The following CDHR4 variants were observed in gnomAD, a reference collection of about 807,000 sequenced individuals.
The protein encoded by CDHR4 is cadherin related family member 4.
In CDHR4, 89 loss-of-function variants were observed where a neutral mutation model predicts 88.4. The observed-to-expected ratio is 1.01, with a 90% confidence interval of 0.85 to 1.20. The LOEUF (loss-of-function observed/expected upper bound fraction) is 1.20, where lower values mean the gene tolerates loss of function less well. CDHR4 is among the 50% of genes most tolerant of loss of function. CDHR4 has a pLI of 0.00. For missense variants in CDHR4, 914 were observed against 1,007.2 expected (o/e 0.91, Z 1.25); for synonymous variants, 368 against 399.2 (o/e 0.92, Z 0.93).
upstream of CDHR4, among the ~76,000 whole-genome samples, chr3:49,800,495 AGT>A (rs564495644): frequency 8.6e-5 from 13 of 151,890 alleles, no homozygotes; most frequent in Admixed American, 8.5e-4. Flanking sequence ...CTCCAACCTG[AGT>A]GACAGAGCAA....
At chr3:49,792,636 A>G in intron 14 of CDHR4, 26 bp from the exon 15 acceptor site, 1 of 1,550,738 alleles carries the variant, frequency 6.4e-7, no homozygotes, top group Non-Finnish European at 8.7e-7. Flanking sequence ...CAGCCTCACC[A>G]CTGCCTTGCC....
chr3:49,795,955 T>G lies in CDHR4; in HGVS notation c.698A>C (p.Gln233Pro). The G allele has an allele frequency of 6.5e-7, 1 of 1,541,968 alleles. No homozygotes were observed. The highest frequency in any genetic ancestry group is 8.8e-7 in the Non-Finnish European group (1 of 1,142,534). ...AGGGGAGCCTTACAGGAAGGAGACC[T>G]GGCTGGAGGGAACAGGCAAAACCTT... ...IVKVLPVPSS[Q>P]VSFLEQAQNI... Residue 233 changes from glutamine (Q) to proline (P), a missense_variant, in exon 6 of 19, where the codon CAG becomes CCG. Physicochemically the swap from Gln to Pro is moderately conservative, Grantham distance 76. Coordinates refer to ENST00000412678, the MANE Select transcript of CDHR4 (RefSeq NM_001007540.4). This position sits in a 1 kb window ranked among gnomAD's most constrained non-coding sequence, Gnocchi z 5.4.
chr3:49,795,529 C>T lies in CDHR4; in HGVS notation c.847+99G>A. Reference sequence around the variant, plus strand: ...GCCCTCCTGCTGCCTTCTCCAAGACCAGGCCCCCAAACAGGAAGGTGAAGA... The same window carrying T: ...GCCCTCCTGCTGCCTTCTCCAAGACTAGGCCCCCAAACAGGAAGGTGAAGA... On this transcript the variant is annotated intron_variant, in intron 7 of 18. Coordinates refer to ENST00000412678, the MANE Select transcript of CDHR4 (RefSeq NM_001007540.4). The surrounding 1 kb of genome is among the most constrained non-coding windows in gnomAD (Gnocchi z 5.4). 3 of 1,511,048 alleles carry T rather than the reference C, an allele frequency of 2.0e-6. No homozygotes were observed. The highest frequency in any genetic ancestry group is 2.7e-6 in the Non-Finnish European group (3 of 1,122,762). The allele number at this position is 1,511,048 out of a possible 1,614,324, so 93.6% of individuals were successfully genotyped here.
chr3:49,795,533 C>T lies in CDHR4; in HGVS notation c.847+95G>A. The T allele has an allele frequency of 1.3e-6, 2 of 1,513,628 alleles. No individual in the cohort carries two copies. The highest frequency in any genetic ancestry group is 1.8e-6 in the Non-Finnish European group (2 of 1,124,318). 93.8% of individuals were successfully genotyped at this position (1,513,628 alleles called of 1,614,324 possible). ...TCCTGCTGCCTTCTCCAAGACCAGG[C>T]CCCCAAACAGGAAGGTGAAGAGGTA... On this transcript the variant is annotated intron_variant, in intron 7 of 18. Coordinates refer to ENST00000412678, the MANE Select transcript of CDHR4 (RefSeq NM_001007540.4). The surrounding 1 kb of genome is among the most constrained non-coding windows in gnomAD (Gnocchi z 5.4).
rs1047267637 is a variant in CDHR4 at position 49,790,883 on chromosome 3, G to C, written c.2316C>G (p.Thr772=). ...GTGTGTTAAACAGGTAGTCTCTTCC[G>C]GTACCTAAAACCGGTAGGAGAGAGA... The part of the protein sequence containing the change: ...HFDGRAQDSR[T]GRDYLFNTHT... The change falls in exon 19 of 19, where the codon ACC becomes ACG. Residue 772 remains threonine (T), a synonymous_variant. Coordinates refer to ENST00000412678, the MANE Select transcript of CDHR4 (RefSeq NM_001007540.4). The C allele has an allele frequency of 1.3e-6, 2 of 1,551,006 alleles. No individual in the cohort carries two copies. Among genetic ancestry groups the C allele is most frequent in the Admixed American group, 3.9e-5 (2 of 50,900 alleles).
At chr3:49,802,849 C>T (rs2081380901), upstream of CDHR4, among the ~76,000 whole-genome samples, 1 of 152,276 alleles carries the variant, frequency 6.6e-6, no homozygotes, top group African/African-American at 2.4e-5. Context: ...CACTTCCATC[C>T]CGTTCAGGGA....
chr3:49,799,640 C>G (rs2081333515), intron 1 of CDHR4, 124 bp downstream of exon 1: 2 of 1,140,362 alleles, frequency 1.8e-6, no homozygotes, highest in Non-Finnish European at 2.5e-6. Flanking sequence ...GGGGTGAGGG[C>G]CAGGGGTTCA....
rs1004245710 is a variant in CDHR4 at position 49,792,592 on chromosome 3, G to C, written c.2014C>G (p.Pro672Ala). 4.6e-5 allele frequency: 72 copies of C among 1,551,656 alleles called. No homozygotes were observed. The highest frequency in any genetic ancestry group is 4.7e-5 in the Non-Finnish European group (54 of 1,146,974). ...HRTTVPSTMTPMLVTDTEAFW... is the reference protein window; with the variant it reads ...HRTTVPSTMTAMLVTDTEAFW... ...GCCTCTGTGTCTGTCACGAGCATGGGTGTCATCGTTGAGGGCACCTGAAAA... is the reference window on the plus strand; with the variant it reads ...GCCTCTGTGTCTGTCACGAGCATGGCTGTCATCGTTGAGGGCACCTGAAAA... The change falls in exon 15 of 19, where the codon CCC (proline) becomes GCC (alanine). Residue 672 changes from proline to alanine, a missense_variant. Physicochemically the swap from Pro to Ala is conservative, Grantham distance 27. Transcript: ENST00000412678.
In CDHR4 at chr3:49,799,844, C is replaced by T. The variant is rs1351512068; in HGVS notation, c.-32G>A. 5 of 1,612,846 alleles carry T rather than the reference C, an allele frequency of 3.1e-6. No individual in the cohort carries two copies. Among genetic ancestry groups the T allele is most frequent in the Non-Finnish European group, 2.5e-6 (3 of 1,179,140 alleles). ...CTGAAGACACAGACAGCAGAGGAGG[C>T]TTCAGAAAGCTAGGCTGTTTGTCTG... On this transcript the variant is annotated 5_prime_UTR_variant, in exon 1 of 19. Coordinates refer to ENST00000412678, the MANE Select transcript of CDHR4 (RefSeq NM_001007540.4).
intron 5 of CDHR4, 122 bp downstream of exon 5, chr3:49,796,800 G>A: frequency 1.4e-6 from 1 of 715,904 alleles, no homozygotes; most frequent in Admixed American, 2.3e-5. Context: ...GCAGCAGCAG[G>A]TCCAGGTCTG....
Position 49,793,433 on chromosome 3 carries a change from C to T in CDHR4, c.1624-122G>A. ...ATCAAGTGATGAAGTCATCACACAA[C>T]AGGCTCCAGAGCTTTCAATTAGGCC... On this transcript the variant is annotated intron_variant, in intron 12 of 18. Coordinates refer to ENST00000412678, the MANE Select transcript of CDHR4 (RefSeq NM_001007540.4). 4 of 1,450,728 alleles carry T rather than the reference C, an allele frequency of 2.8e-6. No homozygotes were observed. In the South Asian group the frequency reaches 5.5e-5, roughly 20 times the overall value. 89.9% of individuals were successfully genotyped at this position (1,450,728 alleles called of 1,614,324 possible). A position where few individuals can be genotyped will look rare whatever the true frequency, so the allele number is the denominator to read the frequency against.
upstream of CDHR4, among the ~76,000 whole-genome samples, chr3:49,800,843 C>T (rs1234827529): frequency 1.4e-5 from 2 of 140,728 alleles, no homozygotes; most frequent in Non-Finnish European, 3.0e-5. Context: ...ATCAGGAGTT[C>T]GAGACCAGCC....
In CDHR4 at chr3:49,795,365, G is replaced by A. The variant is rs948428370; in HGVS notation, c.862C>T (p.Arg288Trp). ...FSIGRADGVV[R>W]TTTPLELART... is the part of the protein sequence containing the mutation. ...GCTAACTCTAGGGGCGTGGTGGTCC[G>A]GACCACACCGTCTGCTGCATGGGGT... The change falls in exon 8 of 19, where the codon CGG (arginine) becomes TGG (tryptophan). Residue 288 changes from arginine (R) to tryptophan (W), a missense_variant. Arg to Trp is a moderately radical substitution (Grantham distance 101). Coordinates refer to ENST00000412678, the MANE Select transcript of CDHR4 (RefSeq NM_001007540.4). This position sits in a 1 kb window ranked among gnomAD's most constrained non-coding sequence, Gnocchi z 5.4. The A allele has an allele frequency of 8.4e-6, 13 of 1,550,438 alleles. No individual in the cohort carries two copies. The highest frequency in any genetic ancestry group is 2.4e-5 in the East Asian group (1 of 40,908).
chr3:49,794,842 G>GC, intron 9 of CDHR4, 105 bp downstream of exon 9: 1 of 1,477,160 alleles, frequency 6.8e-7, no homozygotes, highest in African/African-American at 1.4e-5. Context: ...TGGCTCGACA[G>GC]CCATCCCTCC....
intron 1 of CDHR4, 23 bp from the exon 2 acceptor site, chr3:49,799,460 GC>G (rs2081330129): frequency 6.4e-7 from 1 of 1,569,598 alleles, no homozygotes; most frequent in Admixed American, 1.9e-5. Context: ...GAGAATTCAG[GC>G]TGGAGGCCCC....
chr3:49,798,587 C>CAA (rs1204316024), intron 4 of CDHR4: 4,542 of 401,168 alleles, frequency 0.011, 4 homozygotes, highest in African/African-American at 0.02. Context: ...GACTCCGTCT[C>CAA]AAAAAAAAAA....
chr3:49,795,375 G>A lies in CDHR4; in HGVS notation c.852C>T (p.Asp284=), dbSNP rs754557466. 100 of 1,549,308 alleles carry A rather than the reference G, an allele frequency of 6.5e-5. 1 individual carries two copies. The Admixed American group carries it at 8.2e-4, about 13-fold the overall frequency. ...PSPLFSIGRA[D]GVVRTTTPLE... Reference sequence around the variant, plus strand: ...GGGGCGTGGTGGTCCGGACCACACCGTCTGCTGCATGGGGTGAGAGAACAC... The same window carrying A: ...GGGGCGTGGTGGTCCGGACCACACCATCTGCTGCATGGGGTGAGAGAACAC... Residue 284 remains aspartate, a synonymous_variant, in exon 8 of 19, where the codon GAC becomes GAT. Transcript: ENST00000412678. This position sits in a 1 kb window ranked among gnomAD's most constrained non-coding sequence, Gnocchi z 5.4.
At chr3:49,792,419 C>A in intron 15 of CDHR4, 49 bp downstream of exon 15, 1 of 1,546,952 alleles carries the variant, frequency 6.5e-7, no homozygotes, top group Non-Finnish European at 8.7e-7. Context: ...CAACTGGGGT[C>A]CATAGGTGGG....
Position 49,795,268 on chromosome 3 carries a change from G to C in CDHR4, c.959C>G (p.Ala320Gly). ...CACATTCATGGTGAGATTGAGCTTG[G>C]CACTGGCCCACAGCTGGCCCTGCTC... ...AFEQGQLWASAKLNLTMNVQL... is the reference protein window; with the variant it reads ...AFEQGQLWASGKLNLTMNVQL... Residue 320 changes from alanine to glycine, a missense_variant, in exon 8 of 19, where the codon GCC becomes GGC. Transcript: ENST00000412678. The surrounding 1 kb of genome is among the most constrained non-coding windows in gnomAD (Gnocchi z 5.4). 1 of 1,551,674 alleles carries C rather than the reference G, an allele frequency of 6.4e-7. No homozygotes were observed. Among genetic ancestry groups the C allele is most frequent in the Non-Finnish European group, 8.7e-7 (1 of 1,146,990 alleles).
Sources: gnomAD v4.1 joint callset for allele counts (sites outside exome capture counted in the v4.1 genomes callset) on GRCh38, gnomAD v4.1.1 for gene constraint, Gnocchi (gnomAD v3.1) non-coding constraint, MANE v1.5 for transcripts, NCBI Gene and HGNC (gene_info 2026-07-23, HGNC 2026-07-21) for gene names.